The following CLNK variants were observed in gnomAD, a reference collection of about 807,000 sequenced individuals.
CLNK encodes cytokine dependent hematopoietic cell linker, also known as cytokine-dependent hematopoietic cell linker.
Under a neutral mutation model 68.6 loss-of-function variants are expected in CLNK, and 74 were observed. The observed-to-expected ratio is 1.08, with a 90% CI of 0.89 to 1.31. The LOEUF (loss-of-function observed/expected upper bound fraction) is 1.31. Ranked by LOEUF, CLNK falls within the 50% of genes most tolerant of loss-of-function variation. The pLI is 0.00. For missense variants in CLNK, 553 were observed against 515.3 expected, an observed-to-expected ratio of 1.07 and a Z score of -0.71; for synonymous variants, 198 against 172.2, an observed-to-expected ratio of 1.15 and a Z score of -1.17.
chr4:10,526,050 G>C (rs1718306141), intron 13 of CLNK, 128 bp from the exon 14 acceptor site: 1 of 609,486 alleles, frequency 1.6e-6, no homozygotes, highest in Admixed American at 3.1e-5. Context: ...GGCTCTTGAT[G>C]GTCGGTGGAA....
At chr4:10,519,555 C>A (rs571698809) in intron 15 of CLNK, among the ~76,000 whole-genome samples, 31 of 152,244 alleles carry the variant, frequency 2.0e-4, no homozygotes, top group African/African-American at 7.5e-4. Flanking sequence ...TTTTAGCCCT[C>A]TTTGGGCACC....
chr4:10,606,672 T>A (rs1003290004), intron 2 of CLNK, among the ~76,000 whole-genome samples: 4 of 152,266 alleles, frequency 2.6e-5, no homozygotes, highest in African/African-American at 9.6e-5. Flanking sequence ...CATTACTAGG[T>A]GATAGGAAGT....
At chr4:10,620,015 C>A (rs2720368) in intron 2 of CLNK, among the ~76,000 whole-genome samples, 1 of 151,960 alleles carries the variant, frequency 6.6e-6, no homozygotes, top group Non-Finnish European at 1.5e-5. Context: ...TCTTTTCACA[C>A]AAGAATGTGA....
chr4:10,634,522 A>T (rs892984587), intron 2 of CLNK, among the ~76,000 whole-genome samples: 1 of 152,216 alleles, frequency 6.6e-6, no homozygotes, highest in African/African-American at 2.4e-5. Context: ...TCTAAGGAAG[A>T]GCAAAGAACC....
rs148235543 is a variant in CLNK, at chr4:10,627,553, C to T, written c.12-29504G>A. ...TTGCCACTTGGAACCATGACTGGAG[C>T]GTAGTGGATACTGTCAAGGCCAGGG... On this transcript the variant is annotated intron_variant, in intron 2 of 18. Transcript: ENST00000226951. Among the ~76,000 whole-genome samples, 1,166 of 152,120 alleles carry T rather than the reference C, an allele frequency of 7.7e-3. 16 individuals carry two copies. Among genetic ancestry groups the T allele is most frequent in the South Asian group, 0.027 (132 of 4,812 alleles).
At chr4:10,578,505 G>C (rs1209598649) in intron 4 of CLNK, among the ~76,000 whole-genome samples, 1 of 148,876 alleles carries the variant, frequency 6.7e-6, no homozygotes, top group African/African-American at 2.5e-5. Context: ...CACATGCACT[G>C]TTATGGGTTT....
upstream of CLNK, among the ~76,000 whole-genome samples, chr4:10,689,634 C>A (rs953690635): frequency 5.3e-5 from 8 of 151,838 alleles, no homozygotes; most frequent in Non-Finnish European, 1.2e-4. Flanking sequence ...CAAACATAGA[C>A]CCTCAAAACA....
At chr4:10,698,588 T>C in the CLNK span, among the ~76,000 whole-genome samples, 2 of 152,234 alleles carry the variant, frequency 1.3e-5, no homozygotes, top group African/African-American at 4.8e-5. Flanking sequence ...TGTCTCTTGA[T>C]AGAGCTCCTT....
intron 2 of CLNK, among the ~76,000 whole-genome samples, chr4:10,630,264 G>C (rs921294708): frequency 6.6e-6 from 1 of 152,204 alleles, no homozygotes; most frequent in South Asian, 2.1e-4. Flanking sequence ...TATAGTACAT[G>C]ATGATCGGCA....
At chr4:10,732,595 A>G in the CLNK span, among the ~76,000 whole-genome samples, 1 of 152,018 alleles carries the variant, frequency 6.6e-6, no homozygotes, top group Admixed American at 6.6e-5. Context: ...ATTCCATCTA[A>G]CTCTGAAGTT....
the CLNK span, among the ~76,000 whole-genome samples, chr4:10,725,081 TGCGAAGGAGAGG>T: frequency 3.6e-4 from 55 of 152,210 alleles, no homozygotes; most frequent in African/African-American, 1.3e-3. Flanking sequence ...CTGTTTTCCT[TGCGAAGGAGAGG>T]GCCCAGGAGA....
chr4:10,663,482 G>A (rs983019590), intron 2 of CLNK, among the ~76,000 whole-genome samples: 4 of 152,154 alleles, frequency 2.6e-5, no homozygotes, highest in Admixed American at 6.5e-5. Context: ...TGTGTGAAAT[G>A]TATACTCAAT....
intron 18 of CLNK, 88 bp from the exon 19 acceptor site, chr4:10,490,701 G>T: frequency 9.5e-7 from 1 of 1,051,932 alleles, no homozygotes; most frequent in Non-Finnish European, 1.4e-6. Flanking sequence ...CATTTTGCAT[G>T]GGGAAGAGGT....
intron 1 of CLNK, among the ~76,000 whole-genome samples, chr4:10,675,812 G>A (rs1245864654): frequency 2.0e-5 from 3 of 152,126 alleles, no homozygotes; most frequent in Non-Finnish European, 2.9e-5. Flanking sequence ...GAATCGAGAA[G>A]GTAGGAGGTA....
At chr4:10,664,428 C>G (rs1724314803) in intron 2 of CLNK, among the ~76,000 whole-genome samples, 1 of 152,114 alleles carries the variant, frequency 6.6e-6, no homozygotes, top group South Asian at 2.1e-4. Context: ...AAAGGAAAAC[C>G]TCTGTGTGTG....
the CLNK span, among the ~76,000 whole-genome samples, chr4:10,691,695 T>G: frequency 6.6e-6 from 1 of 152,178 alleles, no homozygotes; most frequent in East Asian, 1.9e-4. Context: ...GCTGGCAAAA[T>G]TATTCCCTGT....
At chr4:10,660,084 A>G (rs554542221) in intron 2 of CLNK, among the ~76,000 whole-genome samples, 56 of 152,342 alleles carry the variant, frequency 3.7e-4, no homozygotes, top group South Asian at 1.2e-3. Flanking sequence ...TTATAATCAA[A>G]TACTATTCTG....
intron 2 of CLNK, among the ~76,000 whole-genome samples, chr4:10,619,129 C>T (rs1722333783): frequency 6.6e-6 from 1 of 152,198 alleles, no homozygotes; most frequent in South Asian, 2.1e-4. Flanking sequence ...CACAGTTCCG[C>T]TGAAACTTGG....
At chr4:10,701,595 C>T in the CLNK span, among the ~76,000 whole-genome samples, 2 of 152,322 alleles carry the variant, frequency 1.3e-5, no homozygotes, top group East Asian at 1.9e-4. Context: ...TGGGAAGGAA[C>T]CTGATAATAT....
Sources: allele counts gnomAD v4.1 joint callset (sites outside exome capture counted in the v4.1 genomes callset), GRCh38; gene constraint gnomAD v4.1.1; transcripts MANE v1.5; gene names NCBI Gene and HGNC (gene_info 2026-07-23, HGNC 2026-07-21).